ANKS1B: variants seen among roughly 807,000 people sequenced by gnomAD.
The protein encoded by ANKS1B is ankyrin repeat and sterile alpha motif domain containing 1B, also known as ankyrin repeat and sterile alpha motif domain-containing protein 1B.
A neutral mutation model predicts 148.3 loss-of-function variants in ANKS1B; 36 were observed. The observed-to-expected ratio is 0.24, with a 90% CI of 0.19 to 0.32. The LOEUF (loss-of-function observed/expected upper bound fraction) is 0.32, where lower values mean the gene tolerates loss of function less well. Ranked by LOEUF, ANKS1B falls within the 10% of genes least tolerant of loss-of-function variation. The probability of loss-of-function intolerance (pLI) is 1.00; values close to 1 mark genes in which losing one functional copy is unlikely to be tolerated. For synonymous variants in ANKS1B, 542 were observed against 560.8 expected, an observed-to-expected ratio of 0.97 and a Z score of 0.47; for missense variants, 1,157 against 1,542.6, an observed-to-expected ratio of 0.75 and a Z score of 4.19.
chr12:99,735,234 T>A (rs921234567), intron 8 of ANKS1B, among the ~76,000 whole-genome samples: 1 of 151,276 alleles, frequency 6.6e-6, no homozygotes, highest in African/African-American at 2.4e-5. Flanking sequence ...ATAAGCCAAA[T>A]CCCAAAGTTA....
intron 8 of ANKS1B, among the ~76,000 whole-genome samples, chr12:99,675,418 T>A (rs554664876): frequency 6.6e-6 from 1 of 151,892 alleles, no homozygotes; most frequent in Admixed American, 6.6e-5. Flanking sequence ...ATATGAAAAA[T>A]TGTCATTTTA....
chr12:99,280,167 T>C (rs1317679468), intron 12 of ANKS1B, among the ~76,000 whole-genome samples: 1 of 149,202 alleles, frequency 6.7e-6, no homozygotes, highest in Non-Finnish European at 1.5e-5. Context: ...TGTGTGTGTG[T>C]GTGTATGTGT....
At chr12:98,975,936 C>T (rs751576118) in intron 17 of ANKS1B, among the ~76,000 whole-genome samples, 26 of 152,180 alleles carry the variant, frequency 1.7e-4, no homozygotes, top group Non-Finnish European at 2.9e-4. Context: ...CTTCATTCAT[C>T]CACCAAACCA....
At chr12:99,748,062 A>G (rs1412045091) in intron 8 of ANKS1B, among the ~76,000 whole-genome samples, 1 of 152,150 alleles carries the variant, frequency 6.6e-6, no homozygotes, top group Non-Finnish European at 1.5e-5. Flanking sequence ...AAGGCTGATA[A>G]TGCAGTTATT....
intron 1 of ANKS1B, among the ~76,000 whole-genome samples, chr12:99,944,408 G>T (rs528096193): frequency 3.3e-4 from 51 of 152,282 alleles, no homozygotes; most frequent in African/African-American, 1.2e-3. Context: ...GCCGTCAGAT[G>T]CTGCTCCTCA....
intron 12 of ANKS1B, among the ~76,000 whole-genome samples, chr12:99,260,546 C>T (rs1455428947): frequency 6.6e-6 from 1 of 152,038 alleles, no homozygotes; most frequent in Non-Finnish European, 1.5e-5. Context: ...AGAAAATATA[C>T]AGAAACGTTA....
intron 1 of ANKS1B, among the ~76,000 whole-genome samples, chr12:99,871,213 T>C (rs539747210): frequency 1.3e-5 from 2 of 152,218 alleles, no homozygotes; most frequent in East Asian, 1.9e-4. Flanking sequence ...GAAGATCAGA[T>C]GGTTGTAGGT....
At chr12:99,780,482 C>T (rs2064165392) in intron 5 of ANKS1B, among the ~76,000 whole-genome samples, 1 of 151,644 alleles carries the variant, frequency 6.6e-6, no homozygotes, top group African/African-American at 2.4e-5. Context: ...CGGGGTTTCA[C>T]TGTGTTAGCA....
At chr12:99,541,911 T>A (rs2097130230) in intron 9 of ANKS1B, among the ~76,000 whole-genome samples, 1 of 151,342 alleles carries the variant, frequency 6.6e-6, no homozygotes, top group South Asian at 2.1e-4. Context: ...CTAGAAAGAA[T>A]GAGAATTCTC....
chr12:99,621,269 GAAC>G (rs1006698835), intron 9 of ANKS1B, among the ~76,000 whole-genome samples: 3 of 151,922 alleles, frequency 2.0e-5, no homozygotes, highest in Non-Finnish European at 4.4e-5. Flanking sequence ...GGAAATGAAA[GAAC>G]AATACCTGCT....
intron 17 of ANKS1B, among the ~76,000 whole-genome samples, chr12:98,924,360 C>T (rs956474940): frequency 6.6e-6 from 1 of 152,188 alleles, no homozygotes; most frequent in Admixed American, 6.5e-5. Flanking sequence ...GTAGATAGTA[C>T]AGGTTTTAAG....
At chr12:99,952,015 T>C (rs969880830) in intron 1 of ANKS1B, among the ~76,000 whole-genome samples, 1 of 152,200 alleles carries the variant, frequency 6.6e-6, no homozygotes, top group Non-Finnish European at 1.5e-5. Context: ...CAATAATGGA[T>C]GCACTTTAAA....
At chr12:99,501,815 C>T (rs185845583) in intron 10 of ANKS1B, among the ~76,000 whole-genome samples, 2 of 152,260 alleles carry the variant, frequency 1.3e-5, no homozygotes, top group East Asian at 3.9e-4. Flanking sequence ...TTCCTACCCT[C>T]GCCAATGTTT....
chr12:99,251,663 A>G (rs1026048600), intron 12 of ANKS1B, among the ~76,000 whole-genome samples: 2 of 152,208 alleles, frequency 1.3e-5, no homozygotes, highest in Non-Finnish European at 2.9e-5. Flanking sequence ...CACCTTTGCT[A>G]TGATTTTTAT....
chr12:99,668,892 T>A (rs1014875348), intron 8 of ANKS1B, among the ~76,000 whole-genome samples: 19 of 152,182 alleles, frequency 1.2e-4, no homozygotes, highest in African/African-American at 4.6e-4. Flanking sequence ...ATTTCACCAA[T>A]CGTTCCTTCT....
intron 17 of ANKS1B, among the ~76,000 whole-genome samples, chr12:98,997,119 T>A (rs1309176121): frequency 6.6e-6 from 1 of 152,126 alleles, no homozygotes; most frequent in Non-Finnish European, 1.5e-5. Flanking sequence ...AAAAACACTA[T>A]AAAATTTTAC....
At chr12:99,209,328 G>A (rs538599433) in intron 14 of ANKS1B, among the ~76,000 whole-genome samples, 1 of 152,182 alleles carries the variant, frequency 6.6e-6, no homozygotes, top group African/African-American at 2.4e-5. Context: ...TCCATTTTTT[G>A]TAACAATGAG....
chr12:99,893,423 A>G (rs1466363121), intron 1 of ANKS1B, among the ~76,000 whole-genome samples: 1 of 151,968 alleles, frequency 6.6e-6, no homozygotes, highest in East Asian at 1.9e-4. Flanking sequence ...AAAAAAAAAA[A>G]AAAAAATTGA....
intron 22 of ANKS1B, among the ~76,000 whole-genome samples, chr12:98,787,211 A>AT (rs1446516887): frequency 2.6e-5 from 4 of 152,340 alleles, no homozygotes; most frequent in African/African-American, 7.2e-5. Context: ...ATTACAAGAG[A>AT]TAAAAAGCAG....
Sources: allele counts gnomAD v4.1 joint callset (sites outside exome capture counted in the v4.1 genomes callset), GRCh38; gene constraint gnomAD v4.1.1; transcripts MANE v1.5; gene names NCBI Gene and HGNC (gene_info 2026-07-23, HGNC 2026-07-21).